MAP3K20: variants seen among roughly 807,000 people sequenced by gnomAD.
MAP3K20 encodes mitogen-activated protein kinase kinase kinase 20.
A neutral mutation model predicts 85.7 loss-of-function variants in MAP3K20; 40 were observed. The observed-to-expected ratio is 0.47, with a 90% CI of 0.36 to 0.61. The LOEUF (loss-of-function observed/expected upper bound fraction) is 0.61. MAP3K20 is among the 20% of genes least tolerant of loss of function. The probability of loss-of-function intolerance (pLI) is 0.00; values close to 1 mark genes in which losing one functional copy is unlikely to be tolerated. For synonymous variants in MAP3K20, 325 were observed against 327.7 expected (o/e 0.99, Z 0.09); for missense variants, 817 against 961.7 (o/e 0.85, Z 1.99).
chr2:173,079,795 G>T (rs1219481322), intron 1 of MAP3K20, among the ~76,000 whole-genome samples: 3 of 151,998 alleles, frequency 2.0e-5, no homozygotes, highest in African/African-American at 7.3e-5. Context: ...GGTCTTCAGG[G>T]GCAGTAATGT....
intron 1 of MAP3K20, among the ~76,000 whole-genome samples, chr2:173,083,427 C>T (rs184961306): frequency 1.7e-4 from 26 of 152,056 alleles, no homozygotes; most frequent in Middle Eastern, 6.8e-3. Flanking sequence ...AATCATAGCT[C>T]ACTGCAGCCT....
At chr2:173,221,031 T>G in intron 11 of MAP3K20, 2 of 774,596 alleles carry the variant, frequency 2.6e-6, no homozygotes, top group Non-Finnish European at 3.6e-6. Context: ...CTACATTCAT[T>G]TATTTCACTA....
At chr2:173,098,928 A>G (rs987011383) in intron 2 of MAP3K20, among the ~76,000 whole-genome samples, 5 of 152,202 alleles carry the variant, frequency 3.3e-5, no homozygotes, top group African/African-American at 7.2e-5. Flanking sequence ...ACTGGGAGGT[A>G]GCGCCCAGCA....
chr2:173,193,263 C>T (rs932529874), intron 7 of MAP3K20, among the ~76,000 whole-genome samples: 1 of 152,258 alleles, frequency 6.6e-6, no homozygotes, highest in East Asian at 1.9e-4. Context: ...TTGTTTGTCA[C>T]ATTTATATGA....
At chr2:173,172,512 CTCTG>C (rs1302266070) in intron 3 of MAP3K20, among the ~76,000 whole-genome samples, 2 of 152,072 alleles carry the variant, frequency 1.3e-5, no homozygotes, top group African/African-American at 2.4e-5. Context: ...GATGATCTCT[CTCTG>C]TCTCAGTTTT....
intron 17 of MAP3K20, among the ~76,000 whole-genome samples, chr2:173,259,069 T>C (rs1010634371): frequency 6.6e-6 from 1 of 152,212 alleles, no homozygotes; most frequent in African/African-American, 2.4e-5. Flanking sequence ...TTTTTTTGTC[T>C]ATTATTTCTT....
At chr2:173,125,607 A>G (rs1336474345) in intron 2 of MAP3K20, among the ~76,000 whole-genome samples, 1 of 152,044 alleles carries the variant, frequency 6.6e-6, no homozygotes, top group Admixed American at 6.5e-5. Context: ...AGGGAAGATA[A>G]ATTTTATTCC....
chr2:173,162,033 G>C (rs1354516305), intron 2 of MAP3K20, among the ~76,000 whole-genome samples: 1 of 151,926 alleles, frequency 6.6e-6, no homozygotes, highest in Non-Finnish European at 1.5e-5. Flanking sequence ...TGCTTTTTCT[G>C]ATTATAAAAA....
In MAP3K20 at chr2:173,190,022, A is replaced by G. The variant is rs1295886052; in HGVS notation, c.416-873A>G. Among the ~76,000 whole-genome samples, 4 of 152,202 alleles carry G rather than the reference A, an allele frequency of 2.6e-5. No individual in the cohort carries two copies. The East Asian group carries it at 7.7e-4, about 29-fold the overall frequency. ...ACCTTTGCTCATTTCATCCCTCCAC[A>G]TAAAATTGTTCATTGGCTTTCTCTT... On this transcript the variant is annotated intron_variant, in intron 5 of 19. Transcript: ENST00000375213.
In MAP3K20 at chr2:173,263,894, A is replaced by G. The variant is rs1273619905; in HGVS notation, c.1701A>G (p.Ser567=). 4 of 1,605,892 alleles carry G rather than the reference A, an allele frequency of 2.5e-6. No homozygotes were observed. Among genetic ancestry groups the G allele is most frequent in the Non-Finnish European group, 3.4e-6 (4 of 1,177,914 alleles). ...SDGNPGSRSD[S]SADCQWLDTL... is the part of the protein sequence containing the mutation. The stretch of plus-strand genomic sequence containing the variant: ...GCAACCCTGGAAGCAGGTCCGACTC[A>G]AGTAAGTTAGTGTTCCCGTATTAGA... The change falls in exon 19 of 20, where the codon TCA becomes TCG. Residue 567 remains serine, a splice_region_variant and synonymous_variant. Transcript: ENST00000375213.
At chr2:173,187,457 A>T in intron 4 of MAP3K20, 101 bp from the exon 5 acceptor site, 1 of 899,108 alleles carries the variant, frequency 1.1e-6, no homozygotes, top group Non-Finnish European at 1.7e-6. Context: ...AAGACATGTG[A>T]ATTAGTTTCT....
chr2:173,265,527 G>C (rs550698397), intron 19 of MAP3K20, among the ~76,000 whole-genome samples: 2 of 152,152 alleles, frequency 1.3e-5, no homozygotes, highest in Non-Finnish European at 2.9e-5. Flanking sequence ...TCAACCTTCG[G>C]AACCTCATTT....
At chr2:173,215,794 A>C (rs1156688026) in intron 10 of MAP3K20, 1 of 152,226 alleles carries the variant, frequency 6.6e-6, no homozygotes, top group East Asian at 1.9e-4. Context: ...AGAGCATTGG[A>C]ATGTTCCAGT....
At chr2:173,129,808 T>C (rs1688555176) in intron 2 of MAP3K20, among the ~76,000 whole-genome samples, 1 of 152,238 alleles carries the variant, frequency 6.6e-6, no homozygotes, top group South Asian at 2.1e-4. Flanking sequence ...TCAGAAATTA[T>C]AATTGAAGCT....
At chr2:173,224,444 G>A in intron 11 of MAP3K20, 1 of 984,770 alleles carries the variant, frequency 1.0e-6, no homozygotes, top group Non-Finnish European at 1.2e-6. Flanking sequence ...AGCCAAATAG[G>A]GCCAAAGAGA....
chr2:173,250,358 G>A (rs1360943974), intron 16 of MAP3K20, among the ~76,000 whole-genome samples: 7 of 152,238 alleles, frequency 4.6e-5, no homozygotes, highest in Admixed American at 2.6e-4. Flanking sequence ...TGGTGGTTTA[G>A]TGGAAAGAGA....
rs745797181 is a variant in MAP3K20, at chr2:173,091,162, T to C, written c.131T>C (p.Val44Ala). The change falls in exon 2 of 20, where the codon GTA becomes GCA. Residue 44 changes from valine to alanine, a missense_variant. Transcript: ENST00000375213. ...ATATCACAGGACAAGGAGGTGGCTGTAAAGAAGCTCCTCAAAATAGAGAAA... is the reference window on the plus strand; with the variant it reads ...ATATCACAGGACAAGGAGGTGGCTGCAAAGAAGCTCCTCAAAATAGAGAAA... ...KWISQDKEVA[V>A]KKLLKIEKEA... The C allele has an allele frequency of 6.2e-7, 1 of 1,613,710 alleles. No individual in the cohort carries two copies. Among genetic ancestry groups the C allele is most frequent in the Admixed American group, 1.7e-5 (1 of 59,940 alleles).
At chr2:173,125,601 A>G (rs968089908) in intron 2 of MAP3K20, among the ~76,000 whole-genome samples, 1 of 152,030 alleles carries the variant, frequency 6.6e-6, no homozygotes, top group African/African-American at 2.4e-5. Flanking sequence ...ATTGGAAGGG[A>G]AGATAAATTT....
chr2:173,173,895 A>G (rs1407027167), intron 3 of MAP3K20, among the ~76,000 whole-genome samples: 1 of 152,200 alleles, frequency 6.6e-6, no homozygotes, highest in Non-Finnish European at 1.5e-5. Flanking sequence ...TATAAATGAA[A>G]AGGAAATTTT....
Sources: gnomAD v4.1 joint callset for allele counts (sites outside exome capture counted in the v4.1 genomes callset) on GRCh38, gnomAD v4.1.1 for gene constraint, MANE v1.5 for transcripts, NCBI Gene and HGNC (gene_info 2026-07-23, HGNC 2026-07-21) for gene names.